Variants in TSPAN18 observed in about 807,000 individuals in gnomAD.
TSPAN18 encodes tetraspanin 18, also known as tetraspanin-18.
In TSPAN18, 14 loss-of-function variants were observed where a neutral mutation model predicts 27.3. That is an observed-to-expected ratio of 0.51 (90% CI 0.34 to 0.80). The LOEUF is 0.80. Ranked by LOEUF, TSPAN18 falls within the 30% of genes least tolerant of loss-of-function variation. TSPAN18 has a pLI of 0.01. For missense variants in TSPAN18, 268 were observed against 323.9 expected (o/e 0.83, Z 1.32); for synonymous variants, 143 against 136.5 (o/e 1.05, Z -0.33).
At chr11:44,781,242 T>C (rs965093954) in intron 2 of TSPAN18, among the ~76,000 whole-genome samples, 1 of 152,200 alleles carries the variant, frequency 6.6e-6, no homozygotes, top group Non-Finnish European at 1.5e-5. Flanking sequence ...GCATGGTGGG[T>C]GGCTGCCTGC....
chr11:44,764,213 A>G (rs1396444971), intron 1 of TSPAN18, among the ~76,000 whole-genome samples: 2 of 152,166 alleles, frequency 1.3e-5, no homozygotes, highest in African/African-American at 2.4e-5. Context: ...CTGAGGCCCC[A>G]TCTCCGACAC....
chr11:44,744,823 G>T (rs935877821), intron 1 of TSPAN18, among the ~76,000 whole-genome samples: 1 of 152,214 alleles, frequency 6.6e-6, no homozygotes, highest in African/African-American at 2.4e-5. Context: ...GGGGTAGCAT[G>T]GTGTGGTAGT....
chr11:44,812,849 T>G (rs1449069996), intron 2 of TSPAN18, among the ~76,000 whole-genome samples: 1 of 152,134 alleles, frequency 6.6e-6, no homozygotes, highest in Non-Finnish European at 1.5e-5. Flanking sequence ...CTAGGGTTCC[T>G]AGGAATGTTA....
At chr11:44,886,625 T>C (rs1858662918) in intron 3 of TSPAN18, 1 of 152,100 alleles carries the variant, frequency 6.6e-6, no homozygotes, top group South Asian at 2.1e-4. Flanking sequence ...GAGGAAGGAA[T>C]CTGGGTTAGA....
Position 44,885,207 on chromosome 11 carries a change from C to T in TSPAN18, c.-10-21200C>T, listed in dbSNP as rs75866199. Among the ~76,000 whole-genome samples, 584 of 152,310 alleles carry T rather than the reference C, an allele frequency of 3.8e-3. 4 individuals are homozygous for T. Among genetic ancestry groups the T allele is most frequent in the African/African-American group, 0.014 (564 of 41,550 alleles). ...CTCTTGTCCCCATCACATCGATGTCCCTTCCCTAAGCCCTTCTCCGGTATT... is the reference window on the plus strand; with the variant it reads ...CTCTTGTCCCCATCACATCGATGTCTCTTCCCTAAGCCCTTCTCCGGTATT... On this transcript the variant is annotated intron_variant, in intron 3 of 9. Transcript: ENST00000520358.
intron 2 of TSPAN18, among the ~76,000 whole-genome samples, chr11:44,843,432 G>A (rs1857416186): frequency 1.3e-5 from 2 of 152,226 alleles, no homozygotes; most frequent in African/African-American, 4.8e-5. Flanking sequence ...AAGGCAAGTG[G>A]AGGCAGGGCG....
chr11:44,761,205 C>A (rs1855446654), intron 1 of TSPAN18, among the ~76,000 whole-genome samples: 1 of 152,168 alleles, frequency 6.6e-6, no homozygotes, highest in Admixed American at 6.5e-5. Flanking sequence ...GGAGGGTTGT[C>A]GGGACTTCCC....
At chr11:44,907,004 A>G (rs1056021293) in intron 4 of TSPAN18, among the ~76,000 whole-genome samples, 1 of 152,240 alleles carries the variant, frequency 6.6e-6, no homozygotes, top group African/African-American at 2.4e-5. Context: ...GAACCTCAGT[A>G]TCTTCATCTC....
intron 3 of TSPAN18, among the ~76,000 whole-genome samples, chr11:44,880,476 G>A (rs184367409): frequency 9.1e-4 from 138 of 152,276 alleles, no homozygotes; most frequent in Non-Finnish European, 1.4e-3. Context: ...ATGAGAGTGC[G>A]GGTGAAGCAC....
At chr11:44,815,430 C>T (rs1203560997) in intron 2 of TSPAN18, among the ~76,000 whole-genome samples, 5 of 152,104 alleles carry the variant, frequency 3.3e-5, no homozygotes, top group South Asian at 4.1e-4. Context: ...GACTGTGGGC[C>T]GGATGGGGGC....
intron 3 of TSPAN18, among the ~76,000 whole-genome samples, chr11:44,900,680 C>CTTTTTTTTTTTTTTTTTT (rs72469181): frequency 2.0e-5 from 1 of 49,702 alleles, no homozygotes; most frequent in African/African-American, 9.0e-5. Context: ...TTGAGGAAGG[C>CTTTTTTTTTTTTTTTTTT]TTTTTTTTTT....
At chr11:44,855,518 TA>T (rs1180084106) in intron 2 of TSPAN18, among the ~76,000 whole-genome samples, 2 of 152,338 alleles carry the variant, frequency 1.3e-5, no homozygotes, top group Non-Finnish European at 2.9e-5. Context: ...GAAATGGCTT[TA>T]TTTTTTTTTC....
intron 2 of TSPAN18, among the ~76,000 whole-genome samples, chr11:44,839,724 G>T (rs1028844644): frequency 6.6e-6 from 1 of 152,068 alleles, no homozygotes; most frequent in Non-Finnish European, 1.5e-5. Flanking sequence ...GAGCATGCAA[G>T]CGGGGAGGGA....
chr11:44,750,627 G>T (rs977306945), intron 1 of TSPAN18, among the ~76,000 whole-genome samples: 1 of 145,046 alleles, frequency 6.9e-6, no homozygotes, highest in Non-Finnish European at 1.5e-5. Context: ...TAGACCACGT[G>T]GTCTTCCTCC....
At chr11:44,737,327 G>T (rs865991150) in intron 1 of TSPAN18, among the ~76,000 whole-genome samples, 4 of 152,174 alleles carry the variant, frequency 2.6e-5, no homozygotes, top group South Asian at 2.1e-4. Context: ...GGAAGATTGT[G>T]GTCACCGCAG....
chr11:44,879,176 G>A (rs835838), intron 3 of TSPAN18, among the ~76,000 whole-genome samples: 16 of 152,000 alleles, frequency 1.1e-4, no homozygotes, highest in African/African-American at 2.2e-4. Context: ...GGTGCTGCAC[G>A]TTTCAGCAGA....
intron 2 of TSPAN18, among the ~76,000 whole-genome samples, chr11:44,776,740 G>A (rs762876573): frequency 1.3e-5 from 2 of 152,168 alleles, no homozygotes; most frequent in Admixed American, 6.5e-5. Flanking sequence ...GATAATGATC[G>A]AAACCTGCCT....
chr11:44,888,554 A>G (rs1412051537), intron 3 of TSPAN18, among the ~76,000 whole-genome samples: 2 of 152,180 alleles, frequency 1.3e-5, no homozygotes, highest in African/African-American at 4.8e-5. Flanking sequence ...AAGGTTCAAC[A>G]GCAGCGAGTC....
intron 2 of TSPAN18, among the ~76,000 whole-genome samples, chr11:44,819,943 A>C (rs144617234): frequency 4.6e-5 from 7 of 152,120 alleles, no homozygotes; most frequent in African/African-American, 1.4e-4. Context: ...GATTTGCTCA[A>C]AAGTTTTGGT....
Sources: allele counts gnomAD v4.1 joint callset (sites outside exome capture counted in the v4.1 genomes callset), GRCh38; gene constraint gnomAD v4.1.1; transcripts MANE v1.5; gene names NCBI Gene and HGNC (gene_info 2026-07-23, HGNC 2026-07-21).